The following ANAPC5 variants were observed in gnomAD, a reference collection of about 807,000 sequenced individuals.
ANAPC5 encodes the protein anaphase promoting complex subunit 5.
In ANAPC5, 60 loss-of-function variants were observed where a neutral mutation model predicts 91.3. The ratio of observed to expected loss-of-function variants is 0.66; its 90% CI spans 0.53 to 0.81. The LOEUF is 0.81. Ranked by LOEUF, ANAPC5 falls within the 40% of genes least tolerant of loss-of-function variation. The probability of loss-of-function intolerance (pLI) is 0.00; values close to 1 mark genes in which losing one functional copy is unlikely to be tolerated. For synonymous variants in ANAPC5, 340 were observed against 364.1 expected (o/e 0.93, Z 0.75); for missense variants, 690 against 931.5 (o/e 0.74, Z 3.37).
intron 4 of ANAPC5, among the ~76,000 whole-genome samples, chr12:121,344,999 T>C (rs1437927568): frequency 6.6e-6 from 1 of 152,126 alleles, no homozygotes; most frequent in African/African-American, 2.4e-5. Flanking sequence ...AGGAGTTAAG[T>C]CAAGGAGAAA....
In ANAPC5 at chr12:121,337,325, T is replaced by C; in HGVS notation, c.725A>G (p.Asn242Ser). 1.2e-6 allele frequency: 2 copies of C among 1,613,758 alleles called. No individual in the cohort carries two copies. The highest frequency in any genetic ancestry group is 1.6e-4 in the Middle Eastern group (1 of 6,062). The part of the protein sequence containing the change: ...TPASLQKELN[N>S]LLKFNPDFAE... ...AAAATCAGGATTAAATTTCAACAAA[T>C]TGTTTAATTCCTTCTGCAAGGAAGC... Residue 242 changes from asparagine (N) to serine (S), a missense_variant, in exon 6 of 17, where the codon AAT becomes AGT. Coordinates refer to ENST00000261819, the MANE Select transcript of ANAPC5 (RefSeq NM_016237.5).
intron 7 of ANAPC5, chr12:121,334,392 C>T (rs1450247709): frequency 1.3e-5 from 2 of 152,126 alleles, no homozygotes; most frequent in Non-Finnish European, 2.9e-5. Context: ...CACTATGCTC[C>T]CATTAATACA....
chr12:121,339,054 CTTT>C (rs1259383557), intron 5 of ANAPC5, among the ~76,000 whole-genome samples: 2 of 128,802 alleles, frequency 1.6e-5, no homozygotes, highest in Non-Finnish European at 3.3e-5. Flanking sequence ...ACTTTTTTTT[CTTT>C]TTTTTTTTTT....
intron 2 of ANAPC5, chr12:121,347,401 G>A (rs758573601): frequency 1.6e-5 from 4 of 250,010 alleles, no homozygotes; most frequent in South Asian, 6.2e-5. Context: ...AGGTGGAAGC[G>A]GAGGGATTGC....
At chr12:121,325,537 G>T (rs1452673019) in intron 11 of ANAPC5, among the ~76,000 whole-genome samples, 1 of 150,150 alleles carries the variant, frequency 6.7e-6, no homozygotes, top group African/African-American at 2.5e-5. Context: ...CCAAGACTAA[G>T]GTTTTTGAAA....
Position 121,352,139 on chromosome 12 carries a change from G to T in ANAPC5, c.202C>A (p.Leu68Met). ...AGCCAGCGGGCGCCTCTCACCTGCA[G>T]CAGGGGCAGGAGCAGCTGGTTGAGC... is the stretch of plus-strand genomic sequence containing the variant. Reference protein sequence around the residue: ...RRLNQLLLPLLQGPDITLSKL... With the variant: ...RRLNQLLLPLMQGPDITLSKL... Residue 68 changes from leucine (L) to methionine (M), a missense_variant, in exon 1 of 17, where the codon CTG (leucine) becomes ATG (methionine). Coordinates refer to ENST00000261819, the MANE Select transcript of ANAPC5 (RefSeq NM_016237.5). 1 of 1,605,182 alleles carries T rather than the reference G, an allele frequency of 6.2e-7. No homozygotes were observed.
intron 1 of ANAPC5, among the ~76,000 whole-genome samples, chr12:121,350,734 T>C (rs573337304): frequency 1.4e-4 from 21 of 152,044 alleles, no homozygotes; most frequent in African/African-American, 4.6e-4. Context: ...TCTATCGCAT[T>C]TCATTCATTT....
intron 15 of ANAPC5, among the ~76,000 whole-genome samples, chr12:121,313,279 T>C (rs1383781906): frequency 1.3e-5 from 2 of 152,074 alleles, no homozygotes; most frequent in East Asian, 3.9e-4. Context: ...AGAGCCAAGA[T>C]TGCACCATTG....
chr12:121,323,520 C>T lies in ANAPC5; in HGVS notation c.1441-3061G>A, dbSNP rs536318580. 5.9e-5 allele frequency among the ~76,000 whole-genome samples: 9 copies of T among 152,096 alleles called. No homozygotes were observed. In the South Asian group the frequency reaches 6.2e-4, roughly 11 times the overall value. ...CTAATTTTTGTATATTTTGTAGAGA[C>T]GGGGTTTCACCATGTTGCATAGGCT... On this transcript the variant is annotated intron_variant, in intron 11 of 16. Coordinates refer to ENST00000261819, the MANE Select transcript of ANAPC5 (RefSeq NM_016237.5).
intron 13 of ANAPC5, 108 bp from the exon 14 acceptor site, chr12:121,318,716 C>T: frequency 9.6e-7 from 1 of 1,039,236 alleles, no homozygotes; most frequent in Non-Finnish European, 1.4e-6. Context: ...AAAACTGTGC[C>T]TGATTTAATT....
chr12:121,341,665 C>T (rs895211607), intron 5 of ANAPC5, among the ~76,000 whole-genome samples: 1 of 152,128 alleles, frequency 6.6e-6, no homozygotes, highest in Admixed American at 6.5e-5. Context: ...AATTACCATA[C>T]ACTGCTTTTC....
At chr12:121,334,471 G>C (rs1373895818) in intron 7 of ANAPC5, 2 of 152,204 alleles carry the variant, frequency 1.3e-5, no homozygotes, top group Admixed American at 6.5e-5. Flanking sequence ...AAAAGCCACA[G>C]GGCAGGTGGG....
chr12:121,330,115 C>A (rs1593589770), intron 9 of ANAPC5, among the ~76,000 whole-genome samples: 4 of 152,142 alleles, frequency 2.6e-5, no homozygotes, highest in Admixed American at 2.6e-4. Context: ...TCAGGCCACA[C>A]TTGGTTTCTG....
intron 11 of ANAPC5, among the ~76,000 whole-genome samples, chr12:121,323,468 G>A (rs140617768): frequency 1.1e-4 from 16 of 152,076 alleles, no homozygotes; most frequent in African/African-American, 3.4e-4. Flanking sequence ...GGAACTACAG[G>A]CATGTGCCAC....
chr12:121,343,472 T>G (rs1903536933), intron 4 of ANAPC5, among the ~76,000 whole-genome samples: 1 of 152,194 alleles, frequency 6.6e-6, no homozygotes, highest in African/African-American at 2.4e-5. Context: ...GTGAATAACT[T>G]GCCCAAGGTC....
At chr12:121,326,314 GA>G (rs1902814724) in intron 11 of ANAPC5, 1 of 152,202 alleles carries the variant, frequency 6.6e-6, no homozygotes, top group Non-Finnish European at 1.5e-5. Flanking sequence ...AAGAGGAAGA[GA>G]AAAATATGAT....
At chr12:121,341,296 C>G (rs1298171532) in intron 5 of ANAPC5, among the ~76,000 whole-genome samples, 4 of 152,080 alleles carry the variant, frequency 2.6e-5, no homozygotes, top group African/African-American at 9.7e-5. Context: ...GTGGTGAAAC[C>G]CCATCTCTAC....
intron 5 of ANAPC5, among the ~76,000 whole-genome samples, chr12:121,337,959 C>T (rs1336659167): frequency 6.6e-6 from 1 of 152,014 alleles, no homozygotes; most frequent in Admixed American, 6.6e-5. Context: ...TTCATATGGA[C>T]GATATCAGCA....
chr12:121,340,488 C>T (rs1453221018), intron 5 of ANAPC5, among the ~76,000 whole-genome samples: 1 of 151,852 alleles, frequency 6.6e-6, no homozygotes, highest in African/African-American at 2.4e-5. Flanking sequence ...ATCACATAGA[C>T]AGGTTTTTCT....
Sources: gnomAD v4.1 joint callset for allele counts (sites outside exome capture counted in the v4.1 genomes callset) on GRCh38, gnomAD v4.1.1 for gene constraint, MANE v1.5 for transcripts, NCBI Gene and HGNC (gene_info 2026-07-23, HGNC 2026-07-21) for gene names.